Variants in PRSS55 observed in about 807,000 individuals in gnomAD.
PRSS55 encodes probable serine protease UNQ9391/PRO34284.
PRSS55 carries 41 observed loss-of-function variants against 23.6 expected under a neutral mutation model. The observed-to-expected ratio is 1.74, with a 90% CI of 1.35 to 2.26. PRSS55 has a LOEUF of 2.26. PRSS55 is among the 30% of genes most tolerant of loss of function. PRSS55 has a pLI of 0.00. For synonymous variants in PRSS55, 262 were observed against 175.5 expected, an observed-to-expected ratio of 1.49 and a Z score of -3.90; for missense variants, 669 against 439.1, an observed-to-expected ratio of 1.52 and a Z score of -4.68.
downstream of PRSS55, chr8:10,540,670 ACGC>A (rs1350173688): frequency 3.5e-4 from 54 of 152,176 alleles, no homozygotes; most frequent in African/African-American, 1.2e-3. Context: ...AGCGGAGATC[ACGC>A]CACTGCACTC....
In PRSS55 at chr8:10,538,755, C is replaced by A; in HGVS notation, c.1021C>A (p.Pro341Thr). Reference protein sequence around the residue: ...GSPRSWLLLCPLSHVLFRAIL... With the variant: ...GSPRSWLLLCTLSHVLFRAIL... ...CCCCAGATCCTGGCTCCTGCTCTGTCCCCTGTCCCATGTGTTGTTCAGAGC... is the reference window on the plus strand; with the variant it reads ...CCCCAGATCCTGGCTCCTGCTCTGTACCCTGTCCCATGTGTTGTTCAGAGC... The change falls in exon 5 of 5, where the codon CCC (proline) becomes ACC (threonine). Residue 341 changes from proline to threonine, a missense_variant. Transcript: ENST00000328655. The A allele has an allele frequency of 1.2e-6, 2 of 1,604,780 alleles. No individual in the cohort carries two copies. Among genetic ancestry groups the A allele is most frequent in the Non-Finnish European group, 1.7e-6 (2 of 1,176,466 alleles).
intron 4 of PRSS55, among the ~76,000 whole-genome samples, chr8:10,534,957 C>A (rs777306097): frequency 1.3e-5 from 2 of 152,130 alleles, no homozygotes; most frequent in East Asian, 3.9e-4. Context: ...AAAATGCAAT[C>A]CCATTCACAA....
rs533459444 is a variant in PRSS55, at chr8:10,537,657, C to T, written c.742-819C>T. On this transcript the variant is annotated intron_variant, in intron 4 of 4. Coordinates refer to ENST00000328655, the MANE Select transcript of PRSS55 (RefSeq NM_198464.4). ...CTTGAGGGGATGGATACCCCAATTA[C>T]CCTGATTTAATTACTGCACATTGTA... Among the ~76,000 whole-genome samples, 28 of 152,260 alleles carry T rather than the reference C, an allele frequency of 1.8e-4. 1 individual carries two copies. The highest frequency in any genetic ancestry group is 5.2e-4 in the Admixed American group (8 of 15,292).
intron 4 of PRSS55, among the ~76,000 whole-genome samples, chr8:10,536,137 G>A (rs371545248): frequency 2.0e-5 from 3 of 152,154 alleles, no homozygotes; most frequent in Non-Finnish European, 2.9e-5. Context: ...AGTGAGCCCA[G>A]ACTGCTGCCA....
At chr8:10,528,928 C>A (rs1377532059) in intron 1 of PRSS55, among the ~76,000 whole-genome samples, 1 of 152,178 alleles carries the variant, frequency 6.6e-6, no homozygotes, top group African/African-American at 2.4e-5. Flanking sequence ...TGCCTTTCCT[C>A]TGCAGTCACT....
intron 2 of PRSS55, 26 bp from the exon 3 acceptor site, chr8:10,531,269 G>T: frequency 6.2e-7 from 1 of 1,610,988 alleles, no homozygotes; most frequent in Non-Finnish European, 8.5e-7. Flanking sequence ...CCTTCCACTT[G>T]CCCCTCTCTG....
intron 3 of PRSS55, among the ~76,000 whole-genome samples, chr8:10,532,230 C>G (rs554378793): frequency 6.6e-6 from 1 of 152,004 alleles, no homozygotes; most frequent in Non-Finnish European, 1.5e-5. Context: ...GAGGGGGAAG[C>G]GGTGGGACCT....
chr8:10,541,639 CTCTATCTA>C (rs145116208), downstream of PRSS55: 2 of 152,136 alleles, frequency 1.3e-5, no homozygotes, highest in Non-Finnish European at 2.9e-5. Flanking sequence ...TCTGTATCAG[CTCTATCTA>C]TCTATCTAAT....
At chr8:10,533,743 G>C (rs1812352768) in intron 4 of PRSS55, among the ~76,000 whole-genome samples, 1 of 152,184 alleles carries the variant, frequency 6.6e-6, no homozygotes, top group Admixed American at 6.5e-5. Context: ...CTCAGCTGAA[G>C]ACTAGGGACC....
intron 4 of PRSS55, among the ~76,000 whole-genome samples, chr8:10,546,838 A>G (rs541517440): frequency 6.6e-6 from 1 of 151,824 alleles, no homozygotes; most frequent in African/African-American, 2.4e-5. Context: ...GGAGTGTGCA[A>G]TCACACCTAG....
chr8:10,525,591 C>G lies in PRSS55; in HGVS notation c.6C>G (p.Leu2=), dbSNP rs748371244. Residue 2 remains leucine (L), a synonymous_variant, in exon 1 of 5, where the codon CTC becomes CTG. Transcript: ENST00000328655. M[L]LFSVLLLLSL... Reference sequence around the variant, plus strand: ...CCACAGCACAGCCCAGGGCCATGCTCCTGTTCTCAGTGTTGCTGCTCCTGT... The same window carrying G: ...CCACAGCACAGCCCAGGGCCATGCTGCTGTTCTCAGTGTTGCTGCTCCTGT... 23 of 1,613,900 alleles carry G rather than the reference C, an allele frequency of 1.4e-5. No homozygotes were observed. The African/African-American group carries it at 2.9e-4, about 21-fold the overall frequency.
chr8:10,550,432 G>A (rs55731228), intron 4 of PRSS55, among the ~76,000 whole-genome samples: 1 of 152,172 alleles, frequency 6.6e-6, no homozygotes, highest in Admixed American at 6.5e-5. Flanking sequence ...CCTGGCTCTG[G>A]TGTAGCATCA....
intron 4 of PRSS55, among the ~76,000 whole-genome samples, chr8:10,538,148 A>G (rs1030500368): frequency 6.6e-6 from 1 of 152,066 alleles, no homozygotes; most frequent in Admixed American, 6.5e-5. Context: ...CTCTCATTTG[A>G]TAAGACCCTC....
intron 4 of PRSS55, among the ~76,000 whole-genome samples, chr8:10,551,290 G>A (rs1812945446): frequency 6.6e-6 from 1 of 151,956 alleles, no homozygotes; most frequent in Non-Finnish European, 1.5e-5. Flanking sequence ...TTGTGAGGCA[G>A]AAACACCCTT....
intron 3 of PRSS55, among the ~76,000 whole-genome samples, chr8:10,532,206 G>T (rs893733361): frequency 1.3e-5 from 2 of 152,174 alleles, no homozygotes; most frequent in African/African-American, 4.8e-5. Flanking sequence ...GGTGTTTCAG[G>T]AGTTTAGCAA....
chr8:10,546,193 CA>C (rs780370446), intron 4 of PRSS55, among the ~76,000 whole-genome samples: 2 of 152,312 alleles, frequency 1.3e-5, no homozygotes, highest in East Asian at 3.9e-4. Context: ...CTCTATGTCC[CA>C]GGTCCCTTGC....
At chr8:10,538,849 C>A, downstream of PRSS55, 6 of 1,471,220 alleles carry the variant, frequency 4.1e-6, no homozygotes, top group Non-Finnish European at 5.5e-6. Flanking sequence ...AGTGCGTCTC[C>A]AGCAGAGGCT....
downstream of PRSS55, among the ~76,000 whole-genome samples, chr8:10,542,252 G>C (rs1433706783): frequency 6.6e-6 from 1 of 152,116 alleles, no homozygotes; most frequent in Non-Finnish European, 1.5e-5. Context: ...CCCCAGTGCG[G>C]ATGTGTGGGG....
intron 4 of PRSS55, among the ~76,000 whole-genome samples, chr8:10,549,668 T>C (rs757654517): frequency 6.6e-6 from 1 of 152,204 alleles, no homozygotes. Flanking sequence ...AGGCAGGGGC[T>C]TCCTGACGTC....
Sources: gnomAD v4.1 joint callset for allele counts (sites outside exome capture counted in the v4.1 genomes callset) on GRCh38, gnomAD v4.1.1 for gene constraint, MANE v1.5 for transcripts, NCBI Gene and HGNC (gene_info 2026-07-23, HGNC 2026-07-21) for gene names.